AMZ1: variants seen among roughly 807,000 people sequenced by gnomAD.
AMZ1 encodes the protein archaemetzincin-1.
A neutral mutation model predicts 29.9 loss-of-function variants in AMZ1; 39 were observed. That is an observed-to-expected ratio of 1.30 (90% CI 1.01 to 1.70). The LOEUF is 1.70. Ranked by LOEUF, AMZ1 falls within the 40% of genes most tolerant of loss-of-function variation. The probability of loss-of-function intolerance (pLI) is 0.00; values close to 1 mark genes in which losing one functional copy is unlikely to be tolerated. For missense variants in AMZ1, 1,041 were observed against 680.6 expected (o/e 1.53, Z -5.89); for synonymous variants, 458 against 304.0 (o/e 1.51, Z -5.27).
Position 2,695,123 on chromosome 7 carries a change from T to C in AMZ1, c.-218-5111T>C, listed in dbSNP as rs1473335371. 3.9e-5 allele frequency among the ~76,000 whole-genome samples: 6 copies of C among 152,354 alleles called. 1 individual carries two copies. In the South Asian group the frequency reaches 1.2e-3, roughly 32 times the overall value. ...TCACGGCTCCTCCTTGCTCAGCCTCTGGCCCCGCTGCAAGACTTGCCCACT... is the reference window on the plus strand; with the variant it reads ...TCACGGCTCCTCCTTGCTCAGCCTCCGGCCCCGCTGCAAGACTTGCCCACT... On this transcript the variant is annotated intron_variant, in intron 1 of 6. Coordinates refer to ENST00000683327, the MANE Select transcript of AMZ1 (RefSeq NM_001384743.1).
chr7:2,700,001 C>T (rs798474), intron 1 of AMZ1, among the ~76,000 whole-genome samples: 1 of 152,150 alleles, frequency 6.6e-6, no homozygotes, highest in Non-Finnish European at 1.5e-5. Flanking sequence ...TGTGACCGTC[C>T]CCTGGGTGGC....
downstream of AMZ1, among the ~76,000 whole-genome samples, chr7:2,721,102 G>C (rs180936430): frequency 6.6e-5 from 10 of 152,316 alleles, no homozygotes; most frequent in African/African-American, 2.4e-4. Flanking sequence ...CAAAACGACC[G>C]ACTCTATTGA....
chr7:2,709,595 A>AGGGGCAAGGCAGT, intron 5 of AMZ1, 45 bp from the exon 6 acceptor site: 1 of 1,580,156 alleles, frequency 6.3e-7, no homozygotes, highest in South Asian at 1.1e-5. Context: ...TGCCGGATGC[A>AGGGGCAAGGCAGT]GGGGCAAGGC....
chr7:2,736,058 C>T (rs74452570), intron 4 of AMZ1, among the ~76,000 whole-genome samples: 200 of 152,304 alleles, frequency 1.3e-3, no homozygotes, highest in Non-Finnish European at 2.2e-3. Context: ...TCGTTTGCGA[C>T]GGACTCCTCA....
At chr7:2,756,605 TCAAA>T (rs139218513) in intron 4 of AMZ1, among the ~76,000 whole-genome samples, 47 of 151,418 alleles carry the variant, frequency 3.1e-4, no homozygotes, top group African/African-American at 7.3e-4. Context: ...AGACCCTGTC[TCAAA>T]CAAACAAACA....
chr7:2,685,003 G>A (rs1300110140), upstream of AMZ1, among the ~76,000 whole-genome samples: 1 of 151,524 alleles, frequency 6.6e-6, no homozygotes, highest in East Asian at 2.0e-4. Context: ...CTGAGTAGCT[G>A]GGACTACAGG....
rs79030303 is a variant in AMZ1 at position 2,706,222 on chromosome 7, C to G, written c.473-2366C>G. ...ATGGGGTCTTGCTTTGTGACCCAGG[C>G]TCAAGCGCAGTGGTGCGATCATAGC... On this transcript the variant is annotated intron_variant, in intron 3 of 6. Transcript: ENST00000683327. 1.0e-3 allele frequency among the ~76,000 whole-genome samples: 157 copies of G among 152,294 alleles called. 1 individual carries two copies. The highest frequency in any genetic ancestry group is 3.4e-3 in the African/African-American group (142 of 41,574).
At chr7:2,680,574 T>G (rs1786846894) in intron 1 of AMZ1, among the ~76,000 whole-genome samples, 1 of 152,190 alleles carries the variant, frequency 6.6e-6, no homozygotes, top group Non-Finnish European at 1.5e-5. Context: ...GAGTAGGGGC[T>G]CCGTCCTCAT....
At chr7:2,722,373 T>C (rs184001020), downstream of AMZ1, among the ~76,000 whole-genome samples, 734 of 151,986 alleles carry the variant, frequency 4.8e-3, 8 homozygotes, top group African/African-American at 0.017. Flanking sequence ...CCCGGGTTCA[T>C]GCCATTCTCC....
chr7:2,687,103 T>A (rs1019912257), upstream of AMZ1, among the ~76,000 whole-genome samples: 1 of 151,328 alleles, frequency 6.6e-6, no homozygotes, highest in East Asian at 2.0e-4. Flanking sequence ...CTGAGGCGGG[T>A]GTATCATGAG....
At chr7:2,702,620 G>T in intron 2 of AMZ1, 102 bp from the exon 3 acceptor site, 1 of 1,357,202 alleles carries the variant, frequency 7.4e-7, no homozygotes, top group Non-Finnish European at 9.8e-7. Flanking sequence ...GTCCACATTG[G>T]CCTTGTTCAC....
chr7:2,750,958 G>A (rs1431304555), intron 4 of AMZ1, among the ~76,000 whole-genome samples: 1 of 152,210 alleles, frequency 6.6e-6, no homozygotes, highest in Non-Finnish European at 1.5e-5. Context: ...GTGGTACCCA[G>A]ACATGCCAAA....
chr7:2,684,165 G>A (rs1195463498), upstream of AMZ1, among the ~76,000 whole-genome samples: 3 of 151,608 alleles, frequency 2.0e-5, no homozygotes, highest in African/African-American at 4.9e-5. Context: ...GTGACAGAGC[G>A]AGACTCCATC....
intron 1 of AMZ1, among the ~76,000 whole-genome samples, chr7:2,682,488 C>T (rs1283156770): frequency 1.3e-4 from 20 of 152,178 alleles, no homozygotes; most frequent in Admixed American, 9.8e-4. Flanking sequence ...AACGGAGGCA[C>T]GGGCACGGAG....
At chr7:2,710,511 T>A (rs1562374131) in intron 6 of AMZ1, among the ~76,000 whole-genome samples, 1 of 152,078 alleles carries the variant, frequency 6.6e-6, no homozygotes, top group Non-Finnish European at 1.5e-5. Flanking sequence ...TTGAGGCAAG[T>A]GGGGGTGTGG....
intron 1 of AMZ1, among the ~76,000 whole-genome samples, chr7:2,691,969 C>G (rs12670800): frequency 6.6e-6 from 1 of 152,040 alleles, no homozygotes; most frequent in Non-Finnish European, 1.5e-5. Context: ...CTGGCTGCGG[C>G]GCTAGGGGAA....
At position 2,703,005 on chromosome 7, in the gene AMZ1, C is replaced by T. The variant is rs947199170; in HGVS notation, c.472+116C>T. ...CCTTTTCTTCCTTTTTGCTGGGAAA[C>T]ATCCATTTCCCAGGTGTTTGGGAAG... On this transcript the variant is annotated intron_variant, in intron 3 of 6. Coordinates refer to ENST00000683327, the MANE Select transcript of AMZ1 (RefSeq NM_001384743.1). 3.7e-6 allele frequency: 5 copies of T among 1,353,156 alleles called. No homozygotes were observed. The African/African-American group carries it at 6.0e-5, about 16-fold the overall frequency. The allele number at this position is 1,353,156 out of a possible 1,614,324, so 83.8% of individuals were successfully genotyped here.
chr7:2,683,840 T>C (rs1786974368), upstream of AMZ1, among the ~76,000 whole-genome samples: 1 of 151,930 alleles, frequency 6.6e-6, no homozygotes, highest in African/African-American at 2.4e-5. Flanking sequence ...GTGTTGGAGA[T>C]TACAGGCGTG....
upstream of AMZ1, among the ~76,000 whole-genome samples, chr7:2,761,961 A>AC (rs1791578695): frequency 1.3e-5 from 2 of 152,148 alleles, no homozygotes; most frequent in Admixed American, 1.3e-4. Flanking sequence ...CCAGCCGCCC[A>AC]CCAGTCCACC....
Sources: allele counts gnomAD v4.1 joint callset (sites outside exome capture counted in the v4.1 genomes callset), GRCh38; gene constraint gnomAD v4.1.1; transcripts MANE v1.5; gene names NCBI Gene and HGNC (gene_info 2026-07-23, HGNC 2026-07-21).